The following ZNF420 variants were observed in gnomAD, a reference collection of about 807,000 sequenced individuals.
ZNF420 encodes the protein zinc finger protein 420, also known as ATM and p53-associated KZNF protein.
In ZNF420, 31 loss-of-function variants were observed where a neutral mutation model predicts 44.7. The observed-to-expected ratio is 0.69, with a 90% CI of 0.52 to 0.94. ZNF420 has a LOEUF of 0.94. Ranked by LOEUF, ZNF420 falls within the 40% of genes least tolerant of loss-of-function variation. The pLI is 0.00. For missense variants in ZNF420, 681 were observed against 827.9 expected, an observed-to-expected ratio of 0.82 and a Z score of 2.18; for synonymous variants, 245 against 267.4, an observed-to-expected ratio of 0.92 and a Z score of 0.82.
At chr19:37,018,029 CA>C (rs936621195) in intron 1 of ZNF420, among the ~76,000 whole-genome samples, 5 of 151,252 alleles carry the variant, frequency 3.3e-5, no homozygotes, top group East Asian at 1.9e-4. Context: ...CTGAAGAACA[CA>C]AAAAAAAGAG....
At chr19:37,120,630 T>C (rs922542577) in intron 4 of ZNF420, among the ~76,000 whole-genome samples, 3 of 152,018 alleles carry the variant, frequency 2.0e-5, no homozygotes, top group Non-Finnish European at 4.4e-5. Context: ...CCAGGGCAAT[T>C]AGGCAGGAGA....
intron 1 of ZNF420, among the ~76,000 whole-genome samples, chr19:37,026,146 T>A (rs1024516009): frequency 6.6e-6 from 1 of 151,208 alleles, no homozygotes; most frequent in Non-Finnish European, 1.5e-5. Flanking sequence ...AAACCCCATC[T>A]CTACTAAAAT....
intron 2 of ZNF420, among the ~76,000 whole-genome samples, chr19:37,082,268 T>G (rs1968510626): frequency 6.6e-6 from 1 of 152,156 alleles, no homozygotes; most frequent in Non-Finnish European, 1.5e-5. Flanking sequence ...GTTCAAGTGA[T>G]TCTCCTGCCT....
At chr19:37,052,920 T>C (rs1967667101) in intron 1 of ZNF420, among the ~76,000 whole-genome samples, 1 of 152,240 alleles carries the variant, frequency 6.6e-6, no homozygotes, top group African/African-American at 2.4e-5. Context: ...CCTTGCTAGA[T>C]TGGGGAAGTT....
chr19:37,049,839 A>C (rs1967607401), intron 1 of ZNF420, among the ~76,000 whole-genome samples: 1 of 152,122 alleles, frequency 6.6e-6, no homozygotes, highest in African/African-American at 2.4e-5. Flanking sequence ...TAGGGTTTTT[A>C]TGGTTTTAGG....
intron 1 of ZNF420, among the ~76,000 whole-genome samples, chr19:37,016,393 T>C: frequency 6.6e-6 from 1 of 151,964 alleles, no homozygotes; most frequent in East Asian, 1.9e-4. Context: ...GGGTTTGGGG[T>C]GTTTTGCACT....
chr19:37,016,949 T>A (rs904420346), intron 1 of ZNF420, among the ~76,000 whole-genome samples: 1 of 152,182 alleles, frequency 6.6e-6, no homozygotes, highest in African/African-American at 2.4e-5. Context: ...AAGGGTTTCA[T>A]AACCTCCTAC....
At chr19:37,099,920 G>A (rs1969674807) in intron 4 of ZNF420, among the ~76,000 whole-genome samples, 1 of 152,098 alleles carries the variant, frequency 6.6e-6, no homozygotes. Flanking sequence ...ACCATGCCCA[G>A]GCTGTAGGTT....
intron 1 of ZNF420, among the ~76,000 whole-genome samples, chr19:37,059,452 G>T (rs1967827916): frequency 6.6e-6 from 1 of 152,252 alleles, no homozygotes; most frequent in Non-Finnish European, 1.5e-5. Context: ...GCCCTCCGTG[G>T]CAGTGCTTGG....
intron 1 of ZNF420, among the ~76,000 whole-genome samples, chr19:37,035,344 A>G (rs1191474986): frequency 1.3e-5 from 2 of 152,192 alleles, no homozygotes; most frequent in Admixed American, 6.5e-5. Context: ...TAAAATTTTA[A>G]TATGCTCAAG....
chr19:37,012,285 G>A (rs960213428), intron 1 of ZNF420, among the ~76,000 whole-genome samples: 3 of 152,230 alleles, frequency 2.0e-5, no homozygotes, highest in Non-Finnish European at 2.9e-5. Context: ...TAAAGGGGCC[G>A]CAGCCTGACT....
At chr19:37,065,664 C>T (rs568044431) in intron 1 of ZNF420, among the ~76,000 whole-genome samples, 1 of 152,374 alleles carries the variant, frequency 6.6e-6, no homozygotes, top group South Asian at 2.1e-4. Context: ...AATAATGCAG[C>T]ATTGCTGCCA....
Position 37,090,997 on chromosome 19 carries a change from A to G in ZNF420, c.12A>G (p.Lys4=), listed in dbSNP as rs763551770. Residue 4 remains lysine, a splice_region_variant and synonymous_variant, in exon 4 of 5, where the codon AAA becomes AAG. Coordinates refer to ENST00000337995, the MANE Select transcript of ZNF420 (RefSeq NM_144689.5). MAR[K]LVMFRDVAID... ...TAACATTTTGTTTGTTGTTTCAGAA[A>G]TTAGTGATGTTCAGGGATGTTGCCA... 5 of 1,609,164 alleles carry G rather than the reference A, an allele frequency of 3.1e-6. No individual in the cohort carries two copies. The South Asian group carries it at 5.6e-5, about 18-fold the overall frequency.
At chr19:37,041,592 T>C (rs1042619665) in intron 1 of ZNF420, among the ~76,000 whole-genome samples, 6 of 152,212 alleles carry the variant, frequency 3.9e-5, no homozygotes, top group Non-Finnish European at 5.9e-5. Flanking sequence ...ATGCTTTTCA[T>C]AGCAGCTTTT....
At chr19:37,074,491 T>C (rs971429179), upstream of ZNF420, among the ~76,000 whole-genome samples, 2 of 152,184 alleles carry the variant, frequency 1.3e-5, no homozygotes, top group African/African-American at 2.4e-5. Context: ...GGAATGCTGT[T>C]CTAGATTAAA....
chr19:37,109,610 G>A (rs923267732), intron 4 of ZNF420: 3 of 152,130 alleles, frequency 2.0e-5, no homozygotes, highest in African/African-American at 4.8e-5. Context: ...TTCTGTCTCC[G>A]TGGAGGTGCT....
In ZNF420 at chr19:37,129,207, T is replaced by C. The variant is rs748376376; in HGVS notation, c.*149T>C. On this transcript the variant is annotated 3_prime_UTR_variant, in exon 5 of 5. Coordinates refer to ENST00000337995, the MANE Select transcript of ZNF420 (RefSeq NM_144689.5). ...AGAGAAAATGGTAGTGTCATTCATA[T>C]AGAAAAACATCATTACTGGAAACCT... The C allele has an allele frequency of 3.4e-5, 33 of 958,314 alleles. No homozygotes were observed. Among genetic ancestry groups the C allele is most frequent in the African/African-American group, 6.6e-5 (4 of 61,068 alleles). 59.4% of individuals were successfully genotyped at this position (958,314 alleles called of 1,614,324 possible). A position where few individuals can be genotyped will look rare whatever the true frequency, so the allele number is the denominator to read the frequency against.
intron 1 of ZNF420, among the ~76,000 whole-genome samples, chr19:37,027,937 G>A (rs1045084699): frequency 8.5e-5 from 13 of 152,172 alleles, no homozygotes; most frequent in African/African-American, 2.4e-4. Context: ...ATTTGGGTAT[G>A]TAACAAAGAA....
upstream of ZNF420, among the ~76,000 whole-genome samples, chr19:37,073,751 G>GAAAAAAAAAAAAAAA (rs71177422): frequency 9.9e-6 from 1 of 100,546 alleles, no homozygotes. Flanking sequence ...CCTGAAAAAA[G>GAAAAAAAAAAAAAAA]AAAAAAAAAA....
Sources: allele counts gnomAD v4.1 joint callset (sites outside exome capture counted in the v4.1 genomes callset), GRCh38; gene constraint gnomAD v4.1.1; transcripts MANE v1.5; gene names NCBI Gene and HGNC (gene_info 2026-07-23, HGNC 2026-07-21).